RPIA: variants seen among roughly 807,000 people sequenced by gnomAD.
The protein encoded by RPIA is ribose-5-phosphate isomerase.
A neutral mutation model predicts 37.8 loss-of-function variants in RPIA; 29 were observed. The ratio of observed to expected loss-of-function variants is 0.77; its 90% CI spans 0.57 to 1.05. The LOEUF (loss-of-function observed/expected upper bound fraction) is 1.05. Ranked by LOEUF, RPIA falls within the 50% of genes least tolerant of loss-of-function variation. RPIA has a pLI of 0.00. For missense variants in RPIA, 385 were observed against 413.6 expected, an observed-to-expected ratio of 0.93 and a Z score of 0.60; for synonymous variants, 167 against 157.0, an observed-to-expected ratio of 1.06 and a Z score of -0.48.
At chr2:88,716,562 A>G (rs1478044248) in intron 3 of RPIA, among the ~76,000 whole-genome samples, 1 of 152,194 alleles carries the variant, frequency 6.6e-6, no homozygotes, top group African/African-American at 2.4e-5. Flanking sequence ...ACTGAGTTTT[A>G]TGGTGATAAT....
At chr2:88,743,340 G>C (rs764697332) in intron 8 of RPIA, among the ~76,000 whole-genome samples, 1 of 151,984 alleles carries the variant, frequency 6.6e-6, no homozygotes, top group Non-Finnish European at 1.5e-5. Flanking sequence ...TGTCACATTT[G>C]TTGACTTGCA....
At chr2:88,712,567 A>G (rs1040526137) in intron 3 of RPIA, among the ~76,000 whole-genome samples, 4 of 152,106 alleles carry the variant, frequency 2.6e-5, no homozygotes, top group African/African-American at 7.2e-5. Flanking sequence ...GTTACTTTTT[A>G]GTTAGGTTTT....
Position 88,691,834 on chromosome 2 carries a change from C to A in RPIA, c.136C>A (p.Arg46Ser). ...LPGSHVRLPG[R>S]AQSGTRGGAG... Reference sequence around the variant, plus strand: ...GGGTTCCCACGTGCGGCTGCCGGGGCGTGCACAGTCTGGGACCCGTGGCGG... The same window carrying A: ...GGGTTCCCACGTGCGGCTGCCGGGGAGTGCACAGTCTGGGACCCGTGGCGG... The change falls in exon 1 of 9, where the codon CGT (arginine) becomes AGT (serine). Residue 46 changes from arginine (R) to serine (S), a missense_variant. Physicochemically the swap from Arg to Ser is moderately radical, Grantham distance 110. This residue lies in a region of RPIA where 232 missense variants were observed against 203.0 expected (regional missense o/e 1.14). Transcript: ENST00000283646. 1 of 1,598,930 alleles carries A rather than the reference C, an allele frequency of 6.3e-7. No homozygotes were observed. The highest frequency in any genetic ancestry group is 1.3e-5 in the African/African-American group (1 of 74,966).
At chr2:88,723,344 C>T (rs1253227312) in intron 3 of RPIA, among the ~76,000 whole-genome samples, 1 of 152,184 alleles carries the variant, frequency 6.6e-6, no homozygotes. Context: ...ATGTTAAACT[C>T]ATATTCCCTG....
At chr2:88,700,085 G>C in intron 3 of RPIA, 21 bp downstream of exon 3, 3 of 1,612,492 alleles carry the variant, frequency 1.9e-6, no homozygotes, top group Non-Finnish European at 2.5e-6. Flanking sequence ...CTTTCCATCT[G>C]CATCGTGACA....
At chr2:88,736,709 G>C in intron 7 of RPIA, 33 bp downstream of exon 7, 1 of 1,593,280 alleles carries the variant, frequency 6.3e-7, no homozygotes, top group Non-Finnish European at 8.6e-7. Context: ...GGGTGTGCTG[G>C]GTGCACTCAG....
chr2:88,742,077 C>T (rs1203465079), intron 8 of RPIA, among the ~76,000 whole-genome samples: 1 of 152,048 alleles, frequency 6.6e-6, no homozygotes, highest in African/African-American at 2.4e-5. Flanking sequence ...ACCTACTTAT[C>T]TTTGTTTTTG....
intron 3 of RPIA, among the ~76,000 whole-genome samples, chr2:88,700,439 C>T (rs928560942): frequency 2.0e-5 from 3 of 152,074 alleles, no homozygotes; most frequent in Non-Finnish European, 4.4e-5. Context: ...ATCACTTGAG[C>T]ACAGGAGTTC....
intron 3 of RPIA, among the ~76,000 whole-genome samples, chr2:88,718,142 A>G (rs1271297698): frequency 6.6e-6 from 1 of 152,222 alleles, no homozygotes; most frequent in African/African-American, 2.4e-5. Context: ...GCCAAGAAAA[A>G]TTAGAATTTG....
rs190210864 is a variant in RPIA, at chr2:88,708,796, G to A, written c.402+8732G>A. On this transcript the variant is annotated intron_variant, in intron 3 of 8. Transcript: ENST00000283646. ...TTTTGAGACGGAGTCTCGCTCTGTC[G>A]CCCAGGCTGGAGTGCAGTGGCACGA... Among the ~76,000 whole-genome samples the A allele has an allele frequency of 5.1e-3, 727 of 143,734 alleles. 3 individuals carry two copies. The highest frequency in any genetic ancestry group is 0.017 in the African/African-American group (632 of 38,160). 94.3% of individuals were successfully genotyped at this position (143,734 alleles called of 152,430 possible).
At chr2:88,711,311 G>A (rs534888961) in intron 3 of RPIA, among the ~76,000 whole-genome samples, 104 of 152,312 alleles carry the variant, frequency 6.8e-4, no homozygotes, top group African/African-American at 2.5e-3. Context: ...GGAAACATAA[G>A]ACATCTGTCA....
chr2:88,712,200 A>G (rs568728975), intron 3 of RPIA, among the ~76,000 whole-genome samples: 2 of 152,302 alleles, frequency 1.3e-5, no homozygotes, highest in African/African-American at 4.8e-5. Flanking sequence ...ATAGGGTAAA[A>G]AGTTAACCAG....
At chr2:88,692,570 G>C (rs1421750519) in intron 1 of RPIA, among the ~76,000 whole-genome samples, 2 of 152,180 alleles carry the variant, frequency 1.3e-5, no homozygotes, top group African/African-American at 4.8e-5. Flanking sequence ...CGGGTCTGCA[G>C]AGATGTTTAG....
At chr2:88,706,561 T>TG (rs1425669470) in intron 3 of RPIA, among the ~76,000 whole-genome samples, 8 of 73,558 alleles carry the variant, frequency 1.1e-4, no homozygotes, top group Non-Finnish European at 5.6e-5. Flanking sequence ...CTGGGGGGTG[T>TG]GGGGGGAGGG....
intron 5 of RPIA, among the ~76,000 whole-genome samples, chr2:88,735,319 G>A (rs1673301773): frequency 6.6e-6 from 1 of 152,118 alleles, no homozygotes; most frequent in South Asian, 2.1e-4. Flanking sequence ...CGACTGGGCG[G>A]GTTGTTCAAA....
chr2:88,713,555 T>G (rs887208000), intron 3 of RPIA, among the ~76,000 whole-genome samples: 5 of 152,242 alleles, frequency 3.3e-5, no homozygotes, highest in Admixed American at 2.0e-4. Flanking sequence ...TCCAGCATTC[T>G]GAAAACACCA....
At position 88,750,121 on chromosome 2, in the gene RPIA, A is replaced by G. The variant is rs550119609; in HGVS notation, c.*43A>G. The G allele has an allele frequency of 1.5e-5, 21 of 1,422,724 alleles. No homozygotes were observed. Among genetic ancestry groups the G allele is most frequent in the South Asian group, 5.8e-5 (5 of 86,696 alleles). 88.1% of individuals were successfully genotyped at this position (1,422,724 alleles called of 1,614,324 possible). A position where few individuals can be genotyped will look rare whatever the true frequency, so the allele number is the denominator to read the frequency against. On this transcript the variant is annotated 3_prime_UTR_variant, in exon 9 of 9. Coordinates refer to ENST00000283646, the MANE Select transcript of RPIA (RefSeq NM_144563.3). ...TGTGTTCACCTTGAGTCTCCAGCCC[A>G]CAGCCAAGGTGGACGTACCTCTCCA...
At chr2:88,739,190 G>A (rs957206857) in intron 8 of RPIA, among the ~76,000 whole-genome samples, 5 of 152,178 alleles carry the variant, frequency 3.3e-5, no homozygotes, top group African/African-American at 9.6e-5. Context: ...AGGATATTGC[G>A]AGACTAAGAG....
chr2:88,692,018 G>A, intron 1 of RPIA, 35 bp downstream of exon 1: 1 of 1,549,604 alleles, frequency 6.5e-7, no homozygotes, highest in Non-Finnish European at 8.7e-7. Context: ...CGGGGCGCAT[G>A]TCCTTGGCGT....
Sources: allele counts gnomAD v4.1 joint callset (sites outside exome capture counted in the v4.1 genomes callset), GRCh38; gene constraint gnomAD v4.1.1; regional missense constraint gnomAD v4.1.1; transcripts MANE v1.5; gene names NCBI Gene and HGNC (gene_info 2026-07-23, HGNC 2026-07-21).